The following SPESP1 variants were observed in gnomAD, a reference collection of about 807,000 sequenced individuals.
SPESP1 encodes sperm equatorial segment protein 1.
Under a neutral mutation model 3.1 loss-of-function variants are expected in SPESP1, and 1 was observed. The observed-to-expected ratio is 0.33, with a 90% CI of 0.12 to 1.54. The LOEUF is 1.54. SPESP1 is among the 40% of genes most tolerant of loss of function. The pLI, the probability that SPESP1 is intolerant of heterozygous loss-of-function variation, is 0.38. For missense variants in SPESP1, 398 were observed against 410.1 expected (o/e 0.97, Z 0.26); for synonymous variants, 138 against 150.7 (o/e 0.92, Z 0.62).
chr15:68,936,393 A>C (rs1049376161), intron 1 of SPESP1, among the ~76,000 whole-genome samples: 10 of 152,232 alleles, frequency 6.6e-5, no homozygotes, highest in African/African-American at 2.2e-4. Context: ...AAATCAATGA[A>C]GTACCGATAC....
intron 1 of SPESP1, among the ~76,000 whole-genome samples, chr15:68,932,337 C>A (rs1895564943): frequency 6.6e-6 from 1 of 152,046 alleles, no homozygotes; most frequent in African/African-American, 2.4e-5. Context: ...TAACTCAGTG[C>A]AGTCTCTTGC....
intron 1 of SPESP1, among the ~76,000 whole-genome samples, chr15:68,941,226 T>G (rs1308867431): frequency 1.3e-5 from 2 of 152,200 alleles, no homozygotes; most frequent in East Asian, 3.8e-4. Flanking sequence ...AGAGAGGATA[T>G]GACATCTAAG....
chr15:68,943,047 TATA>T (rs1222467938), intron 1 of SPESP1, among the ~76,000 whole-genome samples: 1 of 152,012 alleles, frequency 6.6e-6, no homozygotes, highest in Non-Finnish European at 1.5e-5. Flanking sequence ...AAATGTGACT[TATA>T]ATGGTTTACT....
intron 1 of SPESP1, among the ~76,000 whole-genome samples, chr15:68,944,390 G>A (rs1895906908): frequency 6.8e-6 from 1 of 147,612 alleles, no homozygotes; most frequent in South Asian, 2.1e-4. Context: ...TTAGATAGAC[G>A]CCCCAACAAT....
intron 1 of SPESP1, among the ~76,000 whole-genome samples, chr15:68,931,563 T>C (rs2140415537): frequency 6.6e-6 from 1 of 152,308 alleles, no homozygotes; most frequent in South Asian, 2.1e-4. Context: ...GGTCGCGGTC[T>C]GGGACACTCA....
At chr15:68,932,970 A>G (rs1204965489) in intron 1 of SPESP1, among the ~76,000 whole-genome samples, 1 of 152,068 alleles carries the variant, frequency 6.6e-6, no homozygotes, top group Non-Finnish European at 1.5e-5. Flanking sequence ...CTTTTTCTCT[A>G]ATTTTAATTT....
chr15:68,932,593 T>A (rs1302832567), intron 1 of SPESP1, among the ~76,000 whole-genome samples: 1 of 152,158 alleles, frequency 6.6e-6, no homozygotes, highest in African/African-American at 2.4e-5. Flanking sequence ...GGTTTCACCA[T>A]GTTGGCCAGG....
At chr15:68,945,042 C>T (rs542376114) in intron 1 of SPESP1, among the ~76,000 whole-genome samples, 50 of 152,198 alleles carry the variant, frequency 3.3e-4, no homozygotes, top group African/African-American at 1.0e-3. Flanking sequence ...CATACAGATA[C>T]ACTAGATGTA....
intron 1 of SPESP1, among the ~76,000 whole-genome samples, chr15:68,940,756 C>CTT (rs575503960): frequency 6.4e-5 from 8 of 125,434 alleles, no homozygotes; most frequent in Non-Finnish European, 1.0e-4. Flanking sequence ...TCAGATTTGA[C>CTT]TTTTTTTTTT....
At chr15:68,941,212 TAA>T (rs1895814369) in intron 1 of SPESP1, among the ~76,000 whole-genome samples, 1 of 152,206 alleles carries the variant, frequency 6.6e-6, no homozygotes, top group Non-Finnish European at 1.5e-5. Context: ...ATGTATAAAT[TAA>T]AAGAGAGGAT....
chr15:68,942,165 A>ATTTTTTTT (rs1595721164), intron 1 of SPESP1, among the ~76,000 whole-genome samples: 1 of 133,744 alleles, frequency 7.5e-6, no homozygotes, highest in African/African-American at 3.2e-5. Flanking sequence ...ACAACATCTT[A>ATTTTTTTT]TTTCTTTTTT....
Position 68,946,779 on chromosome 15 carries a change from AAACCT to A in SPESP1, c.*195_*199del, listed in dbSNP as rs1895982070. 1 of 672,762 alleles carries A rather than the reference AAACCT, an allele frequency of 1.5e-6. No homozygotes were observed. Among genetic ancestry groups the A allele is most frequent in the Non-Finnish European group, 2.0e-6 (1 of 489,262 alleles). The allele number at this position is 672,762 out of a possible 1,614,324, so 41.7% of individuals were successfully genotyped here. On this transcript the variant is annotated 3_prime_UTR_variant, in exon 2 of 2. Transcript: ENST00000310673. ...TATGAACAATTTTCATATGCACTAA[AAACCT>A]AATTTAAAATAAAATTTTGGTTCAG... is the stretch of plus-strand genomic sequence containing the variant.
chr15:68,933,632 GCAGATCA>G (rs769395248), intron 1 of SPESP1, among the ~76,000 whole-genome samples: 6 of 151,746 alleles, frequency 4.0e-5, no homozygotes, highest in Non-Finnish European at 8.8e-5. Flanking sequence ...GCTGAGGCGG[GCAGATCA>G]CCTGAGCCCA....
At chr15:68,940,505 G>C (rs187261377) in intron 1 of SPESP1, among the ~76,000 whole-genome samples, 1 of 152,174 alleles carries the variant, frequency 6.6e-6, no homozygotes, top group African/African-American at 2.4e-5. Flanking sequence ...CAGAATTCAA[G>C]TAAGATTTAT....
At chr15:68,934,921 A>T (rs1435868880) in intron 1 of SPESP1, among the ~76,000 whole-genome samples, 1 of 152,102 alleles carries the variant, frequency 6.6e-6, no homozygotes, top group African/African-American at 2.4e-5. Flanking sequence ...AGGATCCCAT[A>T]TATTTTTAAA....
In SPESP1 at chr15:68,941,684, GAAT is replaced by G. The variant is rs545174663; in HGVS notation, c.65-3911_65-3909del. Among the ~76,000 whole-genome samples, 145 of 152,204 alleles carry G rather than the reference GAAT, an allele frequency of 9.5e-4. 1 individual carries two copies. The highest frequency in any genetic ancestry group is 3.3e-3 in the African/African-American group (138 of 41,524). On this transcript the variant is annotated intron_variant, in intron 1 of 1. Transcript: ENST00000310673. ...ATTTAGAGTCCACCCAGGTAATCCA[GAAT>G]AATTGCCCCATGTCAAGAAACTTAA...
chr15:68,944,097 T>C (rs1469771133), intron 1 of SPESP1, among the ~76,000 whole-genome samples: 1 of 152,160 alleles, frequency 6.6e-6, no homozygotes, highest in East Asian at 1.9e-4. Flanking sequence ...TTTACTTCCC[T>C]GAATTAAATC....
intron 1 of SPESP1, among the ~76,000 whole-genome samples, chr15:68,942,823 T>G (rs1895861436): frequency 6.6e-6 from 1 of 152,156 alleles, no homozygotes. Context: ...TATAAATTGG[T>G]AGAGCCAGGA....
rs765029356 is a variant in SPESP1 at position 68,945,695 on chromosome 15, G to A, written c.161G>A (p.Arg54His). 37 of 1,613,804 alleles carry A rather than the reference G, an allele frequency of 2.3e-5. No homozygotes were observed. In the African/African-American group the frequency reaches 3.6e-4, roughly 16 times the overall value. The stretch of plus-strand genomic sequence containing the variant: ...AGTGTTCCCTCTGGGGAGCCAGGTC[G>A]TGAGAAAAAATCTAACTCTCCAAAA... Reference protein sequence around the residue: ...VRSVPSGEPGREKKSNSPKHV... With the variant: ...VRSVPSGEPGHEKKSNSPKHV... Residue 54 changes from arginine (R) to histidine (H), a missense_variant, in exon 2 of 2, where the codon CGT (arginine) becomes CAT (histidine). Physicochemically the swap from Arg to His is conservative, Grantham distance 29. Transcript: ENST00000310673.
Sources: gnomAD v4.1 joint callset for allele counts (sites outside exome capture counted in the v4.1 genomes callset) on GRCh38, gnomAD v4.1.1 for gene constraint, MANE v1.5 for transcripts, NCBI Gene and HGNC (gene_info 2026-07-23, HGNC 2026-07-21) for gene names.